Variants in RTEL1 observed in about 807,000 individuals in gnomAD.
RTEL1 encodes the protein regulator of telomere elongation helicase 1.
RTEL1 carries 86 observed loss-of-function variants against 162.2 expected under a neutral mutation model. The observed-to-expected ratio is 0.53, with a 90% CI of 0.45 to 0.63. RTEL1 has a LOEUF of 0.63. Among genes scored for constraint, RTEL1 ranks in the 30% least tolerant of loss-of-function variants. The probability of loss-of-function intolerance (pLI) is 0.00; values close to 1 mark genes in which losing one functional copy is unlikely to be tolerated. For missense variants in RTEL1, 1,941 were observed against 1,750.2 expected (o/e 1.11, Z -1.95); for synonymous variants, 958 against 717.9 (o/e 1.33, Z -5.35).
rs982471234 is a variant in RTEL1, at chr20:63,658,362, C to G, written c.-275C>G. The G allele has an allele frequency of 5.9e-5, 9 of 152,426 alleles. No individual in the cohort carries two copies. The highest frequency in any genetic ancestry group is 2.2e-4 in the African/African-American group (9 of 41,466). 9.4% of individuals were successfully genotyped at this position (152,426 alleles called of 1,614,324 possible). A position where few individuals can be genotyped will look rare whatever the true frequency, so the allele number is the denominator to read the frequency against. ...CTGCGCGCCTCTGCCCGCGAAAACT[C>G]TGAGCTGGCTGACAGCTGGGGACGG... On this transcript the variant is annotated 5_prime_UTR_variant, in exon 1 of 35. Transcript: ENST00000360203.
In RTEL1 at chr20:63,661,726, C is replaced by T; in HGVS notation, c.302-124C>T. The T allele has an allele frequency of 1.1e-6, 1 of 949,224 alleles. No homozygotes were observed. Among genetic ancestry groups the T allele is most frequent in the Non-Finnish European group, 1.6e-6 (1 of 609,978 alleles). 58.8% of individuals were successfully genotyped at this position (949,224 alleles called of 1,614,324 possible). On this transcript the variant is annotated intron_variant, in intron 3 of 34. Coordinates refer to ENST00000360203, the MANE Select transcript of RTEL1 (RefSeq NM_001283009.2). The surrounding 1 kb of genome is among the most constrained non-coding windows in gnomAD (Gnocchi z 5.1). ...CCCACTTCACCCATTTTTGATAAAC[C>T]AGTATCTGGGGTGTCAGATTCTTGG... is the stretch of plus-strand genomic sequence containing the variant.
chr20:63,694,399 C>T lies in RTEL1; in HGVS notation c.3020C>T (p.Thr1007Ile), dbSNP rs776712596. ...AGAACGGCGCCGGATCCCAAGCTGACCGTGTCCACGGCTGCAGCCCAGCAG... is the reference window on the plus strand; with the variant it reads ...AGAACGGCGCCGGATCCCAAGCTGATCGTGTCCACGGCTGCAGCCCAGCAG... Reference protein sequence around the residue: ...TGRTAPDPKLTVSTAAAQQLD... With the variant: ...TGRTAPDPKLIVSTAAAQQLD... The change falls in exon 31 of 35, where the codon ACC (threonine) becomes ATC (isoleucine). Residue 1007 changes from threonine to isoleucine, a missense_variant. Thr to Ile is a moderately conservative substitution (Grantham distance 89, BLOSUM62 -1). Transcript: ENST00000360203. 6 of 1,612,162 alleles carry T rather than the reference C, an allele frequency of 3.7e-6. No homozygotes were observed. The highest frequency in any genetic ancestry group is 1.3e-5 in the African/African-American group (1 of 74,896).
upstream of RTEL1, chr20:63,657,856 G>C (rs1316762262): frequency 1.3e-5 from 2 of 152,394 alleles, no homozygotes; most frequent in African/African-American, 4.8e-5. Flanking sequence ...GACTCAGGGA[G>C]GCCCGCCGGG....
Position 63,694,461 on chromosome 20 carries a change from C to T in RTEL1, c.3082C>T (p.His1028Tyr), listed in dbSNP as rs1368646805. ...PQEHLNQGRP[H>Y]LSPRPPPTGD... ...AGAGCACCTGAACCAGGGCAGGCCC[C>T]ACCTGTCGCCCAGGCCACCCCCAAC... Residue 1028 changes from histidine to tyrosine, a missense_variant, in exon 31 of 35, where the codon CAC (histidine) becomes TAC (tyrosine). Physicochemically the swap from His to Tyr is moderately conservative, Grantham distance 83. Transcript: ENST00000360203. 1.6e-5 allele frequency: 26 copies of T among 1,604,968 alleles called. No individual in the cohort carries two copies. Among genetic ancestry groups the T allele is most frequent in the South Asian group, 2.2e-5 (2 of 90,860 alleles).
Position 63,695,901 on chromosome 20 carries a change from C to T in RTEL1, c.*43C>T, listed in dbSNP as rs1290951753. The T allele has an allele frequency of 5.2e-6, 8 of 1,533,542 alleles. No individual in the cohort carries two copies. Among genetic ancestry groups the T allele is most frequent in the Non-Finnish European group, 7.1e-6 (8 of 1,134,686 alleles). 95.0% of individuals were successfully genotyped at this position (1,533,542 alleles called of 1,614,324 possible). A position where few individuals can be genotyped will look rare whatever the true frequency, so the allele number is the denominator to read the frequency against. On this transcript the variant is annotated 3_prime_UTR_variant, in exon 35 of 35. Coordinates refer to ENST00000360203, the MANE Select transcript of RTEL1 (RefSeq NM_001283009.2). Reference sequence around the variant, plus strand: ...CAGCACACCCAACGTGGCTTGATCACCTGCCTGTCCAGCTCTGGTGGGCCA... The same window carrying T: ...CAGCACACCCAACGTGGCTTGATCATCTGCCTGTCCAGCTCTGGTGGGCCA...
At chr20:63,680,367 C>T (rs1053545529) in intron 13 of RTEL1, among the ~76,000 whole-genome samples, 5 of 152,148 alleles carry the variant, frequency 3.3e-5, no homozygotes, top group African/African-American at 4.8e-5. Context: ...GCTGCGCTCC[C>T]GGGTGCTGGG....
Position 63,696,217 on chromosome 20 carries a change from C to CCTG in RTEL1, c.*359_*360insCTG. The CCTG allele has an allele frequency of 2.6e-6, 1 of 379,896 alleles. No individual in the cohort carries two copies. The allele number at this position is 379,896 out of a possible 1,614,324, so 23.5% of individuals were successfully genotyped here. On this transcript the variant is annotated 3_prime_UTR_variant, in exon 35 of 35. Coordinates refer to ENST00000360203, the MANE Select transcript of RTEL1 (RefSeq NM_001283009.2). ...GTCCACTTTTAATCAGGGGACAGGG[C>CCTG]TCTCTAATAAAGCTGCTGGCAGTGC...
chr20:63,694,681 C>T (rs1031105188), intron 31 of RTEL1, 60 bp from the exon 32 acceptor site: 111 of 1,410,858 alleles, frequency 7.9e-5, no homozygotes, highest in Middle Eastern at 4.2e-4. Context: ...GCGGGCAGGG[C>T]GGTGGGACTC....
intron 14 of RTEL1, chr20:63,682,716 G>A (rs1033587785): frequency 2.0e-6 from 2 of 984,846 alleles, no homozygotes; most frequent in African/African-American, 3.5e-5. Context: ...TGAGTCACAG[G>A]TGACCCTGGG....
At chr20:63,687,542 C>A in intron 16 of RTEL1, 96 bp from the exon 17 acceptor site, 8 of 1,354,012 alleles carry the variant, frequency 5.9e-6, no homozygotes, top group Non-Finnish European at 7.9e-6. Context: ...TTGCTTGATG[C>A]CAGTGGGTGG....
At chr20:63,693,367 T>A (rs1053589656) in intron 30 of RTEL1, 84 bp downstream of exon 30, 41 of 1,542,318 alleles carry the variant, frequency 2.7e-5, no homozygotes, top group Non-Finnish European at 3.4e-5. Context: ...GGGGTGGGCA[T>A]CCTCGGGCCC....
At chr20:63,686,031 C>T in intron 16 of RTEL1, 159 bp downstream of exon 16, 1 of 678,562 alleles carries the variant, frequency 1.5e-6, no homozygotes, top group Non-Finnish European at 2.6e-6. Context: ...TCCTCACTGT[C>T]CCTCTGAAGA....
chr20:63,693,319 G>C (rs755304326), intron 30 of RTEL1, 36 bp downstream of exon 30: 2 of 1,608,586 alleles, frequency 1.2e-6, no homozygotes, highest in Non-Finnish European at 1.7e-6. Context: ...TCAGACTCCT[G>C]CGTGGAAGGC....
At chr20:63,687,429 C>A in intron 16 of RTEL1, 1 of 575,530 alleles carries the variant, frequency 1.7e-6, no homozygotes, top group Admixed American at 3.4e-5. Context: ...TCCCAGGACC[C>A]CCTGTCCCCC....
At position 63,662,620 on chromosome 20, in the gene RTEL1, A is replaced by G. The variant is rs1601086965; in HGVS notation, c.470A>G (p.His157Arg). 1 of 1,613,984 alleles carries G rather than the reference A, an allele frequency of 6.2e-7. No individual in the cohort carries two copies. Reference sequence around the variant, plus strand: ...GAGGTGAAGAAACAAGAGAGTAACCATCTACAGGTAGGCTCCTGGGCTCCC... The same window carrying G: ...GAGGTGAAGAAACAAGAGAGTAACCGTCTACAGGTAGGCTCCTGGGCTCCC... ...HPEVKKQESN[H>R]LQIHLCRKKV... Residue 157 changes from histidine (H) to arginine (R), a missense_variant, in exon 5 of 35, where the codon CAT becomes CGT. Physicochemically the swap from His to Arg is conservative, Grantham distance 29 (BLOSUM62 0). Transcript: ENST00000360203.
Position 63,695,628 on chromosome 20 carries a change from C to G in RTEL1, c.3800C>G (p.Ala1267Gly), listed in dbSNP as rs1340407578. ...CPACDFQRCQ[A>G]CWQRHLQASR... ...GCCTGTGACTTCCAGCGCTGCCAAG[C>G]CTGCTGGCAACGGCACCTTCAGGTT... Residue 1267 changes from alanine to glycine, a missense_variant, in exon 34 of 35, where the codon GCC becomes GGC. Transcript: ENST00000360203. 1 of 1,611,650 alleles carries G rather than the reference C, an allele frequency of 6.2e-7. No homozygotes were observed. The highest frequency in any genetic ancestry group is 1.1e-5 in the South Asian group (1 of 91,068).
chr20:63,686,843 A>C (rs1159708443), intron 16 of RTEL1: 1 of 165,610 alleles, frequency 6.0e-6, no homozygotes, highest in Non-Finnish European at 1.3e-5. Flanking sequence ...GCCGGTGCAC[A>C]GATTCCAAGG....
Position 63,690,927 on chromosome 20 carries a change from G to T in RTEL1, c.2536G>T (p.Gly846Trp). Residue 846 changes from glycine to tryptophan, a missense_variant, in exon 27 of 35, where the codon GGG becomes TGG. Gly to Trp is a radical substitution (Grantham distance 184, BLOSUM62 -2). Coordinates refer to ENST00000360203, the MANE Select transcript of RTEL1 (RefSeq NM_001283009.2). ...AALEHSEQRA[G>W]SPGEEQAHSC... ...CCTGGAGCACAGCGAACAGCGGGCG[G>T]GGAGCCCTGGCGAGGAGCAGGTACA... 2 of 1,555,834 alleles carry T rather than the reference G, an allele frequency of 1.3e-6. No individual in the cohort carries two copies. The highest frequency in any genetic ancestry group is 2.4e-5 in the South Asian group (2 of 84,940).
chr20:63,688,939 G>T, intron 21 of RTEL1, 116 bp from the exon 22 acceptor site: 2 of 909,766 alleles, frequency 2.2e-6, no homozygotes, highest in Non-Finnish European at 3.5e-6. Context: ...GAACCCGATT[G>T]GCCTTCCTGG....
Sources: gnomAD v4.1 joint callset for allele counts (sites outside exome capture counted in the v4.1 genomes callset) on GRCh38, gnomAD v4.1.1 for gene constraint, Gnocchi (gnomAD v3.1) non-coding constraint, MANE v1.5 for transcripts, NCBI Gene and HGNC (gene_info 2026-07-23, HGNC 2026-07-21) for gene names.